Variants in ARSG observed in about 807,000 individuals in gnomAD.
The protein encoded by ARSG is arylsulfatase G, also known as ASG.
Under a neutral mutation model 50.5 loss-of-function variants are expected in ARSG, and 37 were observed. The observed-to-expected ratio is 0.73, with a 90% CI of 0.56 to 0.96. ARSG has a LOEUF of 0.96. Ranked by LOEUF, ARSG falls within the 50% of genes least tolerant of loss-of-function variation. The probability of loss-of-function intolerance (pLI) is 0.00; values close to 1 mark genes in which losing one functional copy is unlikely to be tolerated. For missense variants in ARSG, 629 were observed against 675.3 expected, an observed-to-expected ratio of 0.93 and a Z score of 0.76; for synonymous variants, 225 against 254.6, an observed-to-expected ratio of 0.88 and a Z score of 1.11.
At chr17:68,410,595 G>C (rs2081955928) in intron 11 of ARSG, among the ~76,000 whole-genome samples, 1 of 152,058 alleles carries the variant, frequency 6.6e-6, no homozygotes, top group Admixed American at 6.6e-5. Context: ...TTTTTTGGTT[G>C]TGTCTCTGCC....
chr17:68,371,964 G>A (rs1443839058), intron 8 of ARSG, among the ~76,000 whole-genome samples: 3 of 152,102 alleles, frequency 2.0e-5, no homozygotes, highest in Non-Finnish European at 4.4e-5. Context: ...TCAATAAAGG[G>A]TAACAAAACA....
intron 10 of ARSG, among the ~76,000 whole-genome samples, chr17:68,395,419 C>T (rs751919051): frequency 4.3e-4 from 66 of 152,202 alleles, no homozygotes; most frequent in Non-Finnish European, 8.8e-4. Context: ...GAAACCTCAC[C>T]TATACTAAAG....
intron 1 of ARSG, chr17:68,283,068 A>C (rs1292752766): frequency 6.8e-6 from 1 of 147,560 alleles, no homozygotes; most frequent in African/African-American, 2.5e-5. Flanking sequence ...TTGAGGCGGC[A>C]GTAAGAAGTG....
chr17:68,288,740 G>T (rs781894451), upstream of ARSG, among the ~76,000 whole-genome samples: 2 of 152,186 alleles, frequency 1.3e-5, no homozygotes, highest in Non-Finnish European at 2.9e-5. Flanking sequence ...CCCTTTGAAG[G>T]CAAGGCCGAA....
chr17:68,320,659 G>A (rs1555770265), intron 2 of ARSG, among the ~76,000 whole-genome samples: 1 of 152,134 alleles, frequency 6.6e-6, no homozygotes, highest in African/African-American at 2.4e-5. Flanking sequence ...TACAGGATTG[G>A]ACATGATCCT....
At chr17:68,376,525 A>C (rs970703623) in intron 8 of ARSG, among the ~76,000 whole-genome samples, 1 of 151,668 alleles carries the variant, frequency 6.6e-6, no homozygotes, top group African/African-American at 2.4e-5. Flanking sequence ...TCCTGGGCTC[A>C]AGCAATCTTC....
At chr17:68,340,073 G>A (rs1420895066) in intron 2 of ARSG, among the ~76,000 whole-genome samples, 2 of 152,136 alleles carry the variant, frequency 1.3e-5, no homozygotes, top group Non-Finnish European at 2.9e-5. Context: ...TGACTGCCTG[G>A]CATCCTTCTG....
the ARSG span, chr17:68,450,898 C>A: frequency 3.7e-6 from 6 of 1,610,934 alleles, no homozygotes; most frequent in South Asian, 1.1e-5. Flanking sequence ...GGGATTTCAT[C>A]TGGGAGGAAA....
chr17:68,343,963 A>C (rs566767346), intron 3 of ARSG, among the ~76,000 whole-genome samples, 172 bp downstream of exon 3: 1 of 152,202 alleles, frequency 6.6e-6, no homozygotes, highest in Admixed American at 6.5e-5. Flanking sequence ...TAAAACATAC[A>C]TGGAGCTATT....
At chr17:68,311,310 A>G (rs946883808) in intron 2 of ARSG, among the ~76,000 whole-genome samples, 1 of 151,944 alleles carries the variant, frequency 6.6e-6, no homozygotes, top group Non-Finnish European at 1.5e-5. Flanking sequence ...TCTACTCACT[A>G]CTTAGGTCTC....
At chr17:68,426,252 G>GGGGGGGGGGGGA, downstream of ARSG, 1 of 828,186 alleles carries the variant, frequency 1.2e-6, no homozygotes, top group Non-Finnish European at 1.9e-6. Flanking sequence ...TGGGGAGCGG[G>GGGGGGGGGGGGA]GGCTCAAATA....
At chr17:68,403,552 G>C (rs1485657554) in intron 11 of ARSG, among the ~76,000 whole-genome samples, 3 of 152,218 alleles carry the variant, frequency 2.0e-5, no homozygotes, top group Non-Finnish European at 4.4e-5. Flanking sequence ...TTTTGGATAA[G>C]CTAGATGAAT....
At chr17:68,398,713 G>A (rs2081354295) in intron 10 of ARSG, among the ~76,000 whole-genome samples, 1 of 152,246 alleles carries the variant, frequency 6.6e-6, no homozygotes, top group Admixed American at 6.5e-5. Flanking sequence ...GAGGTGTCAT[G>A]TGCACAATGA....
intron 1 of ARSG, among the ~76,000 whole-genome samples, chr17:68,264,944 A>G (rs1264242512): frequency 1.3e-5 from 2 of 151,538 alleles, no homozygotes; most frequent in African/African-American, 4.8e-5. Flanking sequence ...ACCTGAGATC[A>G]GGAGTTTGAG....
At chr17:68,390,095 C>T (rs1435634380) in intron 9 of ARSG, among the ~76,000 whole-genome samples, 2 of 152,140 alleles carry the variant, frequency 1.3e-5, no homozygotes, top group Non-Finnish European at 2.9e-5. Flanking sequence ...TCAAGTGATT[C>T]TCCTGCCTCA....
intron 11 of ARSG, among the ~76,000 whole-genome samples, chr17:68,418,060 T>C (rs375727130): frequency 6.6e-6 from 1 of 152,072 alleles, no homozygotes; most frequent in Admixed American, 6.5e-5. Context: ...TGTTCAGCTT[T>C]TTACTTGTTA....
At chr17:68,315,757 C>T (rs1033482335) in intron 2 of ARSG, among the ~76,000 whole-genome samples, 1 of 152,124 alleles carries the variant, frequency 6.6e-6, no homozygotes, top group African/African-American at 2.4e-5. Flanking sequence ...CTTAACCTCT[C>T]GAGTAGCTGG....
intron 6 of ARSG, among the ~76,000 whole-genome samples, chr17:68,364,865 C>T (rs1469637642): frequency 6.6e-6 from 1 of 152,174 alleles, no homozygotes; most frequent in Non-Finnish European, 1.5e-5. Context: ...GAAGAGGTGG[C>T]TTGCGGGACA....
intron 11 of ARSG, 111 bp downstream of exon 11, chr17:68,401,561 G>A: frequency 1.1e-6 from 1 of 938,282 alleles, no homozygotes; most frequent in Non-Finnish European, 1.6e-6. Context: ...TTTGTGGGGG[G>A]TTCTCAGCAC....
Sources: allele counts gnomAD v4.1 joint callset (sites outside exome capture counted in the v4.1 genomes callset), GRCh38; gene constraint gnomAD v4.1.1; transcripts MANE v1.5; gene names NCBI Gene and HGNC (gene_info 2026-07-23, HGNC 2026-07-21).